Variants in RNF17 observed in about 807,000 individuals in gnomAD.
RNF17 encodes spermatogenesis associated 23.
In RNF17, 31 loss-of-function variants were observed where a neutral mutation model predicts 200.5. The ratio of observed to expected loss-of-function variants is 0.15; its 90% CI spans 0.12 to 0.21. The LOEUF (loss-of-function observed/expected upper bound fraction) is 0.21. RNF17 is among the 10% of genes least tolerant of loss of function. The probability of loss-of-function intolerance (pLI) is 1.00; values close to 1 mark genes in which losing one functional copy is unlikely to be tolerated. For synonymous variants in RNF17, 606 were observed against 637.8 expected (o/e 0.95, Z 0.75); for missense variants, 1,628 against 1,905.1 (o/e 0.85, Z 2.71).
chr13:24,781,845 C>T lies in RNF17; in HGVS notation c.512C>T (p.Ala171Val). ...TTGTCTTGTTTTTTTTTTTTCCAGG[C>T]ACTTGAACACATGCAGAAGCAAACG... ...SFEQLSIAGK[A>V]LEHMQKQTIE... is the part of the protein sequence containing the mutation. The change falls in exon 6 of 36, where the codon GCA becomes GTA. Residue 171 changes from alanine (A) to valine (V), a missense_variant and splice_region_variant. Physicochemically the swap from Ala to Val is moderately conservative, Grantham distance 64. Coordinates refer to ENST00000255324, the MANE Select transcript of RNF17 (RefSeq NM_031277.3). 2 of 1,584,558 alleles carry T rather than the reference C, an allele frequency of 1.3e-6. No individual in the cohort carries two copies. The highest frequency in any genetic ancestry group is 8.6e-7 in the Non-Finnish European group (1 of 1,167,630).
At chr13:24,886,272 C>T in the RNF17 span, 1 of 1,280,642 alleles carries the variant, frequency 7.8e-7, no homozygotes, top group African/African-American at 1.5e-5. Context: ...ATCTGACCTC[C>T]ATGTTAAAAA....
At chr13:24,847,207 A>G (rs1484962928) in intron 22 of RNF17, among the ~76,000 whole-genome samples, 1 of 152,180 alleles carries the variant, frequency 6.6e-6, no homozygotes, top group African/African-American at 2.4e-5. Context: ...TAATACCGAC[A>G]TGGAACTATT....
chr13:24,792,269 A>G (rs1409133507), intron 9 of RNF17, among the ~76,000 whole-genome samples: 2 of 152,184 alleles, frequency 1.3e-5, no homozygotes, highest in Non-Finnish European at 2.9e-5. Context: ...CCTAGTTTTT[A>G]GGGAAAGTAT....
Position 24,802,513 on chromosome 13 carries a change from A to G in RNF17, c.1891A>G (p.Ile631Val). ...TCTGCAAAAACCACCACCGAATAAA[A>G]TAAGCAGTGATATGCCTGTGTCTCT... is the stretch of plus-strand genomic sequence containing the variant. ...VDLQKPPPNK[I>V]SSDMPVSLRD... Residue 631 changes from isoleucine (I) to valine (V), a missense_variant, in exon 14 of 36, where the codon ATA (isoleucine) becomes GTA (valine). Transcript: ENST00000255324. The G allele has an allele frequency of 6.2e-7, 1 of 1,614,108 alleles. No homozygotes were observed. Among genetic ancestry groups the G allele is most frequent in the Non-Finnish European group, 8.5e-7 (1 of 1,179,976 alleles).
chr13:24,804,329 CTACTT>C lies in RNF17; in HGVS notation c.1995_1999del (p.His667SerfsTer7), dbSNP rs1885599106. ...CTAAGAAGTCACTTTGAAAAAAATA[CTACTT>C]TACACTATCATCCACCTATTTTGCC... On this transcript the variant is annotated frameshift_variant, in exon 15 of 36. Transcript: ENST00000255324. LOFTEE classifies it high-confidence loss of function. 1.2e-6 allele frequency: 2 copies of C among 1,611,778 alleles called. No individual in the cohort carries two copies.
At chr13:24,843,031 A>G (rs1890827025) in intron 19 of RNF17, among the ~76,000 whole-genome samples, 1 of 151,802 alleles carries the variant, frequency 6.6e-6, no homozygotes, top group Non-Finnish European at 1.5e-5. Context: ...GATAGCACCC[A>G]CATGTGATGC....
At chr13:24,809,283 T>C (rs1249609769) in intron 15 of RNF17, among the ~76,000 whole-genome samples, 1 of 151,286 alleles carries the variant, frequency 6.6e-6, no homozygotes, top group Admixed American at 6.6e-5. Context: ...CCTGGACTCT[T>C]TTTGGTTGGT....
chr13:24,846,097 A>G lies in RNF17; in HGVS notation c.3101+1018A>G, dbSNP rs145806284. Among the ~76,000 whole-genome samples, 30 of 152,218 alleles carry G rather than the reference A, an allele frequency of 2.0e-4. 1 individual carries two copies. The East Asian group carries it at 5.8e-3, about 29-fold the overall frequency. ...CAGTGATTTTTTAACCTAAATACAG[A>G]ATTTTGCAGTTTTTCCTGCCAAATT... On this transcript the variant is annotated intron_variant, in intron 22 of 35. Coordinates refer to ENST00000255324, the MANE Select transcript of RNF17 (RefSeq NM_031277.3).
chr13:24,855,712 C>T (rs1013434681), intron 25 of RNF17, among the ~76,000 whole-genome samples: 4 of 152,142 alleles, frequency 2.6e-5, no homozygotes, highest in Non-Finnish European at 5.9e-5. Context: ...ACACTCATCA[C>T]TACCAGTGCA....
chr13:24,879,806 A>G lies in RNF17; in HGVS notation c.*80A>G, dbSNP rs1287537913. 1 of 152,284 alleles carries G rather than the reference A, an allele frequency of 6.6e-6. No homozygotes were observed. The highest frequency in any genetic ancestry group is 1.5e-5 in the Non-Finnish European group (1 of 68,094). 9.4% of individuals were successfully genotyped at this position (152,284 alleles called of 1,614,324 possible). On this transcript the variant is annotated 3_prime_UTR_variant, in exon 36 of 36. Transcript: ENST00000255324. ...TGTTTAGACTATGTCTTATCTTTAG[A>G]CTATTTCAGGCTTAATTTTCCTAAC...
intron 14 of RNF17, among the ~76,000 whole-genome samples, chr13:24,803,289 G>A (rs981851822): frequency 2.0e-5 from 3 of 151,984 alleles, no homozygotes; most frequent in Non-Finnish European, 4.4e-5. Context: ...AAGTTTCTTT[G>A]TCCATCATTT....
rs1286210107 is a variant in RNF17, at chr13:24,794,998, C to T, written c.1241-1139C>T. ...CCTCCCAAAGTGCCGGGATTATAGGCGTGAGCCATCGTGCGCAGCCAGGAA... is the reference window on the plus strand; with the variant it reads ...CCTCCCAAAGTGCCGGGATTATAGGTGTGAGCCATCGTGCGCAGCCAGGAA... On this transcript the variant is annotated intron_variant, in intron 10 of 35. Coordinates refer to ENST00000255324, the MANE Select transcript of RNF17 (RefSeq NM_031277.3). Among the ~76,000 whole-genome samples the T allele has an allele frequency of 2.0e-5, 3 of 152,162 alleles. No individual in the cohort carries two copies. The East Asian group carries it at 5.8e-4, about 29-fold the overall frequency.
intron 34 of RNF17, among the ~76,000 whole-genome samples, chr13:24,878,017 T>C (rs6490985): frequency 0.98 from 149,670 of 152,324 alleles, 73,569 homozygotes; most frequent in Middle Eastern, 1. Context: ...TCCCCATCCC[T>C]CTGAAATGGC....
intron 20 of RNF17, 74 bp from the exon 21 acceptor site, chr13:24,844,578 G>C (rs1206624954): frequency 8.3e-7 from 1 of 1,209,522 alleles, no homozygotes; most frequent in African/African-American, 1.5e-5. Context: ...AGCAAGCGGA[G>C]ATTGTAGGAA....
At chr13:24,872,221 A>G (rs1378490601) in intron 32 of RNF17, among the ~76,000 whole-genome samples, 4 of 151,964 alleles carry the variant, frequency 2.6e-5, no homozygotes, top group Non-Finnish European at 5.9e-5. Flanking sequence ...CGGCCTCCCA[A>G]AGTGCTGGGA....
downstream of RNF17, among the ~76,000 whole-genome samples, chr13:24,881,719 A>G (rs1221930287): frequency 4.0e-5 from 6 of 148,212 alleles, no homozygotes; most frequent in East Asian, 8.3e-4. Flanking sequence ...GTATACAGAT[A>G]TATCTATCTA....
intron 3 of RNF17, among the ~76,000 whole-genome samples, chr13:24,776,911 C>T (rs576956572): frequency 2.6e-5 from 4 of 152,230 alleles, no homozygotes; most frequent in South Asian, 4.1e-4. Context: ...AGGATGTACT[C>T]TTATCTATAT....
At chr13:24,827,778 TCAAGG>T (rs1888909236) in intron 16 of RNF17, among the ~76,000 whole-genome samples, 1 of 139,998 alleles carries the variant, frequency 7.1e-6, no homozygotes, top group African/African-American at 2.6e-5. Flanking sequence ...AAGTCCAAGA[TCAAGG>T]CACTGTCTTA....
At chr13:24,768,157 C>T (rs1208122110) in intron 2 of RNF17, among the ~76,000 whole-genome samples, 1 of 152,172 alleles carries the variant, frequency 6.6e-6, no homozygotes, top group East Asian at 1.9e-4. Context: ...TGAAATCTTT[C>T]CATAAGAATG....
Sources: allele counts gnomAD v4.1 joint callset (sites outside exome capture counted in the v4.1 genomes callset), GRCh38; gene constraint gnomAD v4.1.1; transcripts MANE v1.5; gene names NCBI Gene and HGNC (gene_info 2026-07-23, HGNC 2026-07-21).